Variants in TBPL1 observed in about 807,000 individuals in gnomAD.
TBPL1 encodes TATA-box binding protein like 1.
TBPL1 carries 4 observed loss-of-function variants against 22.1 expected under a neutral mutation model. That is an observed-to-expected ratio of 0.18 (90% CI 0.09 to 0.41). The LOEUF is 0.41. TBPL1 is among the 10% of genes least tolerant of loss of function. The pLI, the probability that TBPL1 is intolerant of heterozygous loss-of-function variation, is 1.00. For synonymous variants in TBPL1, 64 were observed against 71.0 expected (o/e 0.90, Z 0.50); for missense variants, 115 against 222.3 (o/e 0.52, Z 3.07).
intron 2 of TBPL1, among the ~76,000 whole-genome samples, chr6:133,981,223 A>C (rs1318757627): frequency 1.3e-5 from 2 of 152,092 alleles, no homozygotes; most frequent in Non-Finnish European, 2.9e-5. Flanking sequence ...CACCCACCTC[A>C]GCCTTCCAAA....
chr6:133,962,539 A>G (rs373415638), intron 1 of TBPL1, among the ~76,000 whole-genome samples: 1 of 152,220 alleles, frequency 6.6e-6, no homozygotes, highest in African/African-American at 2.4e-5. Context: ...ACAAGGAGAT[A>G]GAGCAAGATT....
At position 133,980,191 on chromosome 6, in the gene TBPL1, A is replaced by G; in HGVS notation, c.66A>G (p.Thr22=). 6.2e-7 allele frequency: 1 copy of G among 1,610,296 alleles called. No homozygotes were observed. Among genetic ancestry groups the G allele is most frequent in the South Asian group, 1.1e-5 (1 of 90,138 alleles). The stretch of plus-strand genomic sequence containing the variant: ...CAAATGTAGTCTGTGTTTTTAGAAC[A>G]AGATGTCATTTAAACTTAAGGAAGA... ...LITNVVCVFR[T]RCHLNLRKIA... Residue 22 remains threonine, a synonymous_variant, in exon 2 of 7, where the codon ACA becomes ACG. Transcript: ENST00000237264.
intron 1 of TBPL1, among the ~76,000 whole-genome samples, chr6:133,966,822 C>T (rs200058731): frequency 7.0e-6 from 1 of 143,732 alleles, no homozygotes; most frequent in South Asian, 2.1e-4. Flanking sequence ...TTTCAAACCA[C>T]AGTACTACCA....
intron 1 of TBPL1, among the ~76,000 whole-genome samples, chr6:133,966,531 A>G (rs1300437734): frequency 5.3e-5 from 8 of 152,178 alleles, no homozygotes; most frequent in African/African-American, 1.9e-4. Flanking sequence ...TGTCCTGAGC[A>G]ATGGACTTTT....
intron 1 of TBPL1, among the ~76,000 whole-genome samples, chr6:133,976,967 C>CA (rs537206851): frequency 0.012 from 760 of 61,880 alleles, 2 homozygotes; most frequent in Non-Finnish European, 0.015. Flanking sequence ...GACTTGGTCT[C>CA]AAAAAAAAAA....
chr6:133,976,331 A>G (rs544487124), intron 1 of TBPL1, among the ~76,000 whole-genome samples: 49 of 152,314 alleles, frequency 3.2e-4, no homozygotes, highest in African/African-American at 1.2e-3. Context: ...AACATTTACA[A>G]TGTTTCAGAT....
Position 133,981,396 on chromosome 6 carries a change from T to G in TBPL1, c.135+1136T>G, listed in dbSNP as rs569648313. ...CCTTCCTTTAGAAAAGTAATAAATA[T>G]GTCTGCTCAAAAGTTTAGAGAGGAA... On this transcript the variant is annotated intron_variant, in intron 2 of 6. Coordinates refer to ENST00000237264, the MANE Select transcript of TBPL1 (RefSeq NM_004865.4). Among the ~76,000 whole-genome samples, 7 of 152,334 alleles carry G rather than the reference T, an allele frequency of 4.6e-5. No homozygotes were observed. In the East Asian group the frequency reaches 1.3e-3, roughly 29 times the overall value.
At chr6:133,978,618 A>G (rs1465331239) in intron 1 of TBPL1, among the ~76,000 whole-genome samples, 2 of 152,236 alleles carry the variant, frequency 1.3e-5, no homozygotes, top group African/African-American at 4.8e-5. Flanking sequence ...GAAAAACAAA[A>G]AGATACACAG....
rs1293627286 is a variant in TBPL1, at chr6:133,989,639, T to A, written c.*2599T>A. 6.6e-6 allele frequency: 1 copy of A among 152,194 alleles called. No homozygotes were observed. The highest frequency in any genetic ancestry group is 2.4e-5 in the African/African-American group (1 of 41,442). 9.4% of individuals were successfully genotyped at this position (152,194 alleles called of 1,614,324 possible). A position where few individuals can be genotyped will look rare whatever the true frequency, so the allele number is the denominator to read the frequency against. On this transcript the variant is annotated 3_prime_UTR_variant, in exon 7 of 7. Coordinates refer to ENST00000237264, the MANE Select transcript of TBPL1 (RefSeq NM_004865.4). ...TCCTTTTAGCTTCCCCCTGCCAATT[T>A]TTATACAGATAATACACTGCAGATC...
intron 6 of TBPL1, among the ~76,000 whole-genome samples, chr6:133,985,624 A>T (rs1331991148): frequency 6.6e-6 from 1 of 152,042 alleles, no homozygotes; most frequent in Non-Finnish European, 1.5e-5. Flanking sequence ...AATTGTACAG[A>T]GGCATTGCTT....
rs762888278 is a variant in TBPL1, at chr6:133,982,560, C to T, written c.136-8C>T. 9.9e-5 allele frequency: 158 copies of T among 1,593,930 alleles called. 1 individual carries two copies. Among genetic ancestry groups the T allele is most frequent in the Admixed American group, 2.1e-4 (12 of 56,490 alleles). Reference sequence around the variant, plus strand: ...CTTATGAGGTAATCAGATTTTTTTTCCCCCCAGAAAGTATTAATGAAGCTT... The same window carrying T: ...CTTATGAGGTAATCAGATTTTTTTTTCCCCCAGAAAGTATTAATGAAGCTT... On this transcript the variant is annotated splice_polypyrimidine_tract_variant and splice_region_variant and intron_variant, in intron 2 of 6. Coordinates refer to ENST00000237264, the MANE Select transcript of TBPL1 (RefSeq NM_004865.4).
At chr6:133,956,440 A>G (rs76254895) in intron 1 of TBPL1, among the ~76,000 whole-genome samples, 11,890 of 152,270 alleles carry the variant, frequency 0.078, 448 homozygotes, top group Non-Finnish European at 0.085. Flanking sequence ...ATAAAACATG[A>G]CAGACACAAA....
chr6:133,988,271 T>A lies in TBPL1; in HGVS notation c.*1231T>A, dbSNP rs1431955103. 1.3e-5 allele frequency: 2 copies of A among 152,222 alleles called. No individual in the cohort carries two copies. The highest frequency in any genetic ancestry group is 2.9e-5 in the Non-Finnish European group (2 of 68,030). The allele number at this position is 152,222 out of a possible 1,614,324, so 9.4% of individuals were successfully genotyped here. On this transcript the variant is annotated 3_prime_UTR_variant, in exon 7 of 7. Coordinates refer to ENST00000237264, the MANE Select transcript of TBPL1 (RefSeq NM_004865.4). ...ATAAATATGCATTTATGAAACAGTG[T>A]CTCTGGCTCACCCAGGAGCCCTGAT... is the stretch of plus-strand genomic sequence containing the variant.
At chr6:133,982,453 T>C in intron 2 of TBPL1, 115 bp from the exon 3 acceptor site, 1 of 764,992 alleles carries the variant, frequency 1.3e-6, no homozygotes. Flanking sequence ...AGAGCAGTTA[T>C]TGCAGTCTTG....
intron 1 of TBPL1, among the ~76,000 whole-genome samples, chr6:133,957,498 T>C (rs895042648): frequency 6.6e-6 from 1 of 152,254 alleles, no homozygotes. Flanking sequence ...TAAAAAAATT[T>C]GTTTCCATTA....
At chr6:133,954,631 A>G (rs201993544) in intron 1 of TBPL1, among the ~76,000 whole-genome samples, 5 of 152,260 alleles carry the variant, frequency 3.3e-5, no homozygotes, top group African/African-American at 1.2e-4. Flanking sequence ...CCACATATAC[A>G]TACAAAGTTC....
intron 1 of TBPL1, 49 bp from the exon 2 acceptor site, chr6:133,980,033 G>T (rs556072676): frequency 1.1e-4 from 144 of 1,271,772 alleles, no homozygotes; most frequent in Middle Eastern, 7.1e-4. Context: ...TGTGAAAAGT[G>T]AATTAACAAC....
At chr6:133,956,053 A>C (rs1202344328) in intron 1 of TBPL1, among the ~76,000 whole-genome samples, 2 of 152,218 alleles carry the variant, frequency 1.3e-5, no homozygotes, top group African/African-American at 4.8e-5. Context: ...AATACTGTAT[A>C]ATCTAGTTGA....
rs150645864 is a variant in TBPL1, at chr6:133,967,348, G to T, written c.-44-12734G>T. Among the ~76,000 whole-genome samples, 248 of 152,252 alleles carry T rather than the reference G, an allele frequency of 1.6e-3. 1 individual carries two copies. The highest frequency in any genetic ancestry group is 6.8e-3 in the Middle Eastern group (2 of 294). On this transcript the variant is annotated intron_variant, in intron 1 of 6. Coordinates refer to ENST00000237264, the MANE Select transcript of TBPL1 (RefSeq NM_004865.4). ...ATGAATTAGATTAAGCGGGCAAAAG[G>T]TTAATATTCTTTATATATTAGAGCT...
Sources: gnomAD v4.1 joint callset for allele counts (sites outside exome capture counted in the v4.1 genomes callset) on GRCh38, gnomAD v4.1.1 for gene constraint, MANE v1.5 for transcripts, NCBI Gene and HGNC (gene_info 2026-07-23, HGNC 2026-07-21) for gene names.